The following MGAM variants were observed in gnomAD, a reference collection of about 807,000 sequenced individuals.
MGAM encodes the protein maltase-glucoamylase.
MGAM carries 253 observed loss-of-function variants against 358.8 expected under a neutral mutation model. The observed-to-expected ratio is 0.71, with a 90% CI of 0.64 to 0.78. The LOEUF (loss-of-function observed/expected upper bound fraction) is 0.78. Ranked by LOEUF, MGAM falls within the 30% of genes least tolerant of loss-of-function variation. MGAM has a pLI of 0.00. For missense variants in MGAM, 3,080 were observed against 3,432.6 expected, an observed-to-expected ratio of 0.90 and a Z score of 2.57; for synonymous variants, 1,105 against 1,227.1, an observed-to-expected ratio of 0.90 and a Z score of 2.08.
At position 142,078,371 on chromosome 7, in the gene MGAM, G is replaced by A. The variant is rs13310467; in HGVS notation, c.5547G>A (p.Glu1849=). The change falls in exon 48 of 71, where the codon GAG becomes GAA. Residue 1849 remains glutamate (E), a synonymous_variant. Transcript: ENST00000475668. ...NLFLGEAYTV[E]WSIKIRDEEK... ...TCCTGGGAGAAGCATACACAGTGGA[G>A]TGGAGCATAAAGATAAGGGATGAAG... 19 of 1,517,746 alleles carry A rather than the reference G, an allele frequency of 1.3e-5. 1 individual carries two copies. Among genetic ancestry groups the A allele is most frequent in the African/African-American group, 4.1e-5 (3 of 74,026 alleles). The allele number at this position is 1,517,746 out of a possible 1,614,324, so 94.0% of individuals were successfully genotyped here. A position where few individuals can be genotyped will look rare whatever the true frequency, so the allele number is the denominator to read the frequency against.
Position 142,084,519 on chromosome 7 carries a change from T to C in MGAM, c.6382T>C (p.Leu2128=). The C allele has an allele frequency of 6.4e-7, 1 of 1,555,486 alleles. No homozygotes were observed. Among genetic ancestry groups the C allele is most frequent in the Non-Finnish European group, 8.8e-7 (1 of 1,132,134 alleles). ...CTAATATTTTCTGTCTATTTTCTAG[T>C]TGATTGGCCGGCCTGTGATGGTACC... ...PELVTQQYTE[L]IGRPVMVPYW... is the part of the protein sequence containing the mutation. Residue 2128 remains leucine, a splice_region_variant and synonymous_variant, in exon 54 of 71, where the codon TTG becomes CTG. Coordinates refer to ENST00000475668, the MANE Select transcript of MGAM (RefSeq NM_001365693.1).
chr7:142,060,157 G>A lies in MGAM; in HGVS notation c.4060-154G>A, dbSNP rs150104839. ...TTAACGACTTTTAAGGTAATGTAAC[G>A]TGTTATGGAGTTCACTTTTCTTTTA... On this transcript the variant is annotated intron_variant, in intron 33 of 70. Transcript: ENST00000475668. 2.3e-3 allele frequency among the ~76,000 whole-genome samples: 343 copies of A among 152,372 alleles called. 2 individuals carry two copies. Among genetic ancestry groups the A allele is most frequent in the Non-Finnish European group, 3.9e-3 (265 of 68,030 alleles).
At position 142,047,878 on chromosome 7, in the gene MGAM, G is replaced by T. The variant is rs1029095200; in HGVS notation, c.2587+5G>T. The T allele has an allele frequency of 3.8e-6, 6 of 1,587,734 alleles. No individual in the cohort carries two copies. Among genetic ancestry groups the T allele is most frequent in the Non-Finnish European group, 4.3e-6 (5 of 1,157,188 alleles). Reference sequence around the variant, plus strand: ...GGGATAATGGGGAAACGAAGGGTGAGCACTTATACGATAATGTTGCTGTTT... The same window carrying T: ...GGGATAATGGGGAAACGAAGGGTGATCACTTATACGATAATGTTGCTGTTT... On this transcript the variant is annotated splice_donor_5th_base_variant and intron_variant, in intron 22 of 70. Transcript: ENST00000475668.
rs1811328908 is a variant in MGAM, at chr7:142,054,767, A to G, written c.3173A>G (p.Asn1058Ser). 1 of 1,613,858 alleles carries G rather than the reference A, an allele frequency of 6.2e-7. No homozygotes were observed. The highest frequency in any genetic ancestry group is 8.5e-7 in the Non-Finnish European group (1 of 1,179,782). The change falls in exon 27 of 71, where the codon AAC becomes AGC. Residue 1058 changes from asparagine (N) to serine (S), a missense_variant. Asn to Ser is a conservative substitution (Grantham distance 46, BLOSUM62 1). Around this residue, in one of 5 missense-constraint regions of MGAM, gnomAD observed 1,816 missense variants for 1,840.5 expected, o/e 0.99. Transcript: ENST00000475668. ...CCTCTGGCCTAGATTTATGATCCCA[A>G]CAAGAATCGGTATGAAGTTCCAGTC... Reference protein sequence around the residue: ...EMLQFKIYDPNKNRYEVPVPL... With the variant: ...EMLQFKIYDPSKNRYEVPVPL...
rs771226773 is a variant in MGAM, at chr7:142,085,829, G to A, written c.6508-4G>A. On this transcript the variant is annotated splice_region_variant and splice_polypyrimidine_tract_variant and intron_variant, in intron 54 of 70. Coordinates refer to ENST00000475668, the MANE Select transcript of MGAM (RefSeq NM_001365693.1). ...GCCTCTCAGCTCCCCATGTCCTCCC[G>A]CAGGACGTGCAGTACTCAGACATCG... 11 of 1,563,086 alleles carry A rather than the reference G, an allele frequency of 7.0e-6. No individual in the cohort carries two copies. The highest frequency in any genetic ancestry group is 4.0e-5 in the African/African-American group (3 of 74,308).
intron 8 of MGAM, 104 bp downstream of exon 8, chr7:142,025,253 A>G (rs548045367): frequency 5.9e-6 from 5 of 848,032 alleles, no homozygotes; most frequent in Admixed American, 2.2e-5. Flanking sequence ...TGACTGAGCC[A>G]TAGTGTAGGG....
At chr7:142,041,914 TACGTATAA>T (rs1808663611) in intron 21 of MGAM, among the ~76,000 whole-genome samples, 2 of 23,350 alleles carry the variant, frequency 8.6e-5, no homozygotes, top group Non-Finnish European at 1.5e-4. Flanking sequence ...ATTATATATA[TACGTATAA>T]TATATAATAT....
At chr7:142,025,672 G>C (rs1369894509) in intron 8 of MGAM, among the ~76,000 whole-genome samples, 1 of 152,164 alleles carries the variant, frequency 6.6e-6, no homozygotes, top group Non-Finnish European at 1.5e-5. Context: ...AGTAAGATGA[G>C]TATAGAAATG....
In MGAM at chr7:142,083,455, C is replaced by A. The variant is rs553016032; in HGVS notation, c.6381+42C>A. ...TTGTTTATCAAGTACTTATATAGCA[C>A]ATTCTGGGTGCCAGAGCCCACATTC... On this transcript the variant is annotated intron_variant, in intron 53 of 70. Coordinates refer to ENST00000475668, the MANE Select transcript of MGAM (RefSeq NM_001365693.1). 615 of 1,363,992 alleles carry A rather than the reference C, an allele frequency of 4.5e-4. 65 individuals are homozygous for A. The highest frequency in any genetic ancestry group is 3.8e-3 in the Middle Eastern group (21 of 5,572). 84.5% of individuals were successfully genotyped at this position (1,363,992 alleles called of 1,614,324 possible).
chr7:142,030,707 A>G lies in MGAM; in HGVS notation c.1420A>G (p.Met474Val), dbSNP rs1252121294. 1.9e-6 allele frequency: 3 copies of G among 1,613,102 alleles called. No individual in the cohort carries two copies. Among genetic ancestry groups the G allele is most frequent in the Non-Finnish European group, 2.5e-6 (3 of 1,179,234 alleles). The change falls in exon 12 of 71, where the codon ATG (methionine) becomes GTG (valine). Residue 474 changes from methionine to valine, a missense_variant. Physicochemically the swap from Met to Val is conservative, Grantham distance 21 (BLOSUM62 1). Transcript: ENST00000475668. ...PYGPYDRGSD[M>V]KIWVNSSDGV... ...TGGCCCATATGACAGGGGTTCAGAT[A>G]TGAAGATATGGGTGAATAGTTCAGA...
chr7:142,042,546 T>C (rs1174735796), intron 21 of MGAM, among the ~76,000 whole-genome samples: 1 of 3,296 alleles, frequency 3.0e-4, no homozygotes, highest in Non-Finnish European at 5.8e-4. Flanking sequence ...TAATATATAT[T>C]ATATATACAT....
At chr7:142,041,972 A>C (rs1563145147) in intron 21 of MGAM, among the ~76,000 whole-genome samples, 4 of 22,934 alleles carry the variant, frequency 1.7e-4, no homozygotes, top group African/African-American at 6.0e-4. Context: ...TATATATATT[A>C]TATATATATA....
chr7:142,043,878 C>T (rs1441382575), intron 21 of MGAM, among the ~76,000 whole-genome samples: 6 of 111,058 alleles, frequency 5.4e-5, no homozygotes, highest in Non-Finnish European at 9.3e-5. Flanking sequence ...TATACACATA[C>T]GACGTATAAT....
At position 142,076,937 on chromosome 7, in the gene MGAM, A is replaced by C. The variant is rs13309184; in HGVS notation, c.5493+111A>C. On this transcript the variant is annotated intron_variant, in intron 47 of 70. Coordinates refer to ENST00000475668, the MANE Select transcript of MGAM (RefSeq NM_001365693.1). ...TGAAGTACCAGGGCACCTTTGATGC[A>C]TGTTTTGGGGAATTGAGAGGGCACC... 3.2e-4 allele frequency: 401 copies of C among 1,236,354 alleles called. 19 individuals carry two copies. The highest frequency in any genetic ancestry group is 2.1e-3 in the Admixed American group (98 of 45,726). 76.6% of individuals were successfully genotyped at this position (1,236,354 alleles called of 1,614,324 possible).
chr7:142,096,676 C>T (rs1386730161), intron 65 of MGAM, among the ~76,000 whole-genome samples: 7 of 152,154 alleles, frequency 4.6e-5, no homozygotes, highest in East Asian at 1.9e-4. Context: ...ATGACACAAT[C>T]GTTTCTTCGT....
At chr7:142,089,136 C>A (rs891772568) in intron 57 of MGAM, among the ~76,000 whole-genome samples, 4 of 145,822 alleles carry the variant, frequency 2.7e-5, no homozygotes, top group Non-Finnish European at 4.6e-5. Context: ...GACACAGGAA[C>A]CTGCCCAGCC....
At chr7:141,991,305 G>T (rs572953921), upstream of MGAM, among the ~76,000 whole-genome samples, 2 of 152,182 alleles carry the variant, frequency 1.3e-5, no homozygotes, top group Admixed American at 6.5e-5. Context: ...TGATGGAATT[G>T]TGTGGAGGAA....
chr7:142,053,999 C>G (rs148772802), intron 26 of MGAM, among the ~76,000 whole-genome samples: 7 of 152,314 alleles, frequency 4.6e-5, no homozygotes, highest in Admixed American at 3.3e-4. Context: ...CTTTAATTCT[C>G]TCTGCCTTCG....
intron 16 of MGAM, among the ~76,000 whole-genome samples, chr7:142,035,796 GCT>G (rs1807939506): frequency 6.6e-6 from 1 of 152,030 alleles, no homozygotes; most frequent in South Asian, 2.1e-4. Context: ...TCAGACTTAG[GCT>G]TTAGAAAAAT....
Sources: allele counts gnomAD v4.1 joint callset (sites outside exome capture counted in the v4.1 genomes callset), GRCh38; gene constraint gnomAD v4.1.1; regional missense constraint gnomAD v4.1.1; transcripts MANE v1.5; gene names NCBI Gene and HGNC (gene_info 2026-07-23, HGNC 2026-07-21).